ST8SIA6: variants seen among roughly 807,000 people sequenced by gnomAD.
The protein encoded by ST8SIA6 is alpha-2,8-sialyltransferase 8F.
In ST8SIA6, 39 loss-of-function variants were observed where a neutral mutation model predicts 33.6. The observed-to-expected ratio is 1.16, with a 90% CI of 0.90 to 1.52. ST8SIA6 has a LOEUF of 1.52. ST8SIA6 is among the 40% of genes most tolerant of loss of function. The pLI, the probability that ST8SIA6 is intolerant of heterozygous loss-of-function variation, is 0.00. For synonymous variants in ST8SIA6, 172 were observed against 167.2 expected, an observed-to-expected ratio of 1.03 and a Z score of -0.22; for missense variants, 441 against 443.8, an observed-to-expected ratio of 0.99 and a Z score of 0.06.
intron 2 of ST8SIA6, among the ~76,000 whole-genome samples, chr10:17,425,644 AG>A (rs2131713890): frequency 6.8e-6 from 1 of 146,786 alleles, no homozygotes; most frequent in Admixed American, 6.8e-5. Context: ...AGAGGAAGAA[AG>A]GAGGGAGGGA....
intron 2 of ST8SIA6, among the ~76,000 whole-genome samples, chr10:17,392,141 G>A (rs359318): frequency 0.31 from 47,096 of 152,016 alleles, 8,217 homozygotes; most frequent in East Asian, 0.6. Context: ...CCCTAATGGA[G>A]CTTGCAGTCT....
At chr10:17,365,594 C>T (rs2131625113) in intron 3 of ST8SIA6, among the ~76,000 whole-genome samples, 1 of 152,308 alleles carries the variant, frequency 6.6e-6, no homozygotes, top group East Asian at 1.9e-4. Flanking sequence ...CTGTCTGTGC[C>T]ACCTGCCTGC....
At chr10:17,382,817 G>A (rs1012260988) in intron 3 of ST8SIA6, among the ~76,000 whole-genome samples, 4 of 152,180 alleles carry the variant, frequency 2.6e-5, no homozygotes, top group African/African-American at 9.7e-5. Context: ...CGTAAGGGCC[G>A]ATTTTGAAAG....
chr10:17,440,988 C>T (rs1317997718), intron 2 of ST8SIA6, among the ~76,000 whole-genome samples: 1 of 152,144 alleles, frequency 6.6e-6, no homozygotes, highest in Non-Finnish European at 1.5e-5. Flanking sequence ...GAGTTCATTA[C>T]ATATTCTGGA....
At chr10:17,322,080 G>A (rs934553786) in intron 7 of ST8SIA6, among the ~76,000 whole-genome samples, 1 of 130,810 alleles carries the variant, frequency 7.6e-6, no homozygotes, top group Non-Finnish European at 1.6e-5. Context: ...TCTAACCTGG[G>A]TGACAAAGAG....
At chr10:17,407,242 A>G (rs1450126368) in intron 2 of ST8SIA6, among the ~76,000 whole-genome samples, 3 of 152,194 alleles carry the variant, frequency 2.0e-5, no homozygotes, top group Non-Finnish European at 2.9e-5. Context: ...CATATATGTC[A>G]CCATAGTAAC....
chr10:17,381,763 A>G (rs1850159884), intron 3 of ST8SIA6, among the ~76,000 whole-genome samples: 1 of 152,242 alleles, frequency 6.6e-6, no homozygotes, highest in Non-Finnish European at 1.5e-5. Flanking sequence ...GTAATTTTTA[A>G]TAAGTGAGAC....
At chr10:17,417,510 C>A in intron 2 of ST8SIA6, among the ~76,000 whole-genome samples, 1 of 151,870 alleles carries the variant, frequency 6.6e-6, no homozygotes, top group East Asian at 1.9e-4. Context: ...TCACCTCCCA[C>A]CCCCGCCATC....
At chr10:17,363,287 CAT>C (rs1304303251) in intron 3 of ST8SIA6, among the ~76,000 whole-genome samples, 2 of 130,196 alleles carry the variant, frequency 1.5e-5, no homozygotes, top group African/African-American at 5.7e-5. Flanking sequence ...TAAAGGCATG[CAT>C]ATGTGTGTGT....
At chr10:17,451,457 ATTGGGTACAATGAGTACACCCTAT>A (rs919476303) in intron 2 of ST8SIA6, among the ~76,000 whole-genome samples, 2 of 152,204 alleles carry the variant, frequency 1.3e-5, no homozygotes, top group Middle Eastern at 3.2e-3. Context: ...GAAATTATCC[ATTGGGTACAATGAGTACACCCTAT>A]TTGGGTGACG....
chr10:17,341,152 GT>G (rs1331566611), intron 4 of ST8SIA6, among the ~76,000 whole-genome samples: 4 of 152,222 alleles, frequency 2.6e-5, no homozygotes, highest in African/African-American at 9.6e-5. Flanking sequence ...AAATTCAAGT[GT>G]GATCTGAAAT....
intron 3 of ST8SIA6, among the ~76,000 whole-genome samples, chr10:17,367,834 G>A (rs968986364): frequency 8.5e-5 from 13 of 152,056 alleles, no homozygotes; most frequent in Admixed American, 2.6e-4. Flanking sequence ...CAGTAAATAA[G>A]CAAGCATGCA....
chr10:17,333,955 C>A (rs1420628832), intron 4 of ST8SIA6, among the ~76,000 whole-genome samples: 1 of 149,078 alleles, frequency 6.7e-6, no homozygotes, highest in Non-Finnish European at 1.5e-5. Flanking sequence ...CTCCTGGCCT[C>A]AAGTGATCTG....
intron 2 of ST8SIA6, among the ~76,000 whole-genome samples, chr10:17,405,884 CAAAAAA>C (rs10546412): frequency 2.9e-4 from 25 of 85,402 alleles, no homozygotes; most frequent in Non-Finnish European, 5.6e-4. Context: ...GACTCCATTT[CAAAAAA>C]AAAAAAAAAA....
At chr10:17,359,391 G>A (rs181144577) in intron 4 of ST8SIA6, 123 bp downstream of exon 4, 53 of 645,738 alleles carry the variant, frequency 8.2e-5, no homozygotes, top group African/African-American at 5.6e-5. Flanking sequence ...TTAGAATTCA[G>A]TTGGCCTCAT....
At chr10:17,321,956 A>G (rs1348878020) in intron 7 of ST8SIA6, among the ~76,000 whole-genome samples, 1 of 152,058 alleles carries the variant, frequency 6.6e-6, no homozygotes, top group African/African-American at 2.4e-5. Flanking sequence ...TAAAAATATT[A>G]GCTGGGAACG....
intron 2 of ST8SIA6, among the ~76,000 whole-genome samples, chr10:17,393,592 C>A (rs988869612): frequency 1.3e-5 from 2 of 152,056 alleles, no homozygotes; most frequent in Non-Finnish European, 1.5e-5. Context: ...CTCCTGTGTC[C>A]CCAGAGAGGA....
At chr10:17,452,173 AT>A (rs147285570) in intron 2 of ST8SIA6, among the ~76,000 whole-genome samples, 2,232 of 152,212 alleles carry the variant, frequency 0.015, 45 homozygotes, top group African/African-American at 0.051. Flanking sequence ...ATAGGACACT[AT>A]TTTTCTCAAA....
chr10:17,388,630 T>C (rs954858863), intron 3 of ST8SIA6, among the ~76,000 whole-genome samples: 2 of 152,196 alleles, frequency 1.3e-5, no homozygotes, highest in African/African-American at 2.4e-5. Flanking sequence ...GCAATACCTC[T>C]TACTGAAACC....
Sources: gnomAD v4.1 joint callset for allele counts (sites outside exome capture counted in the v4.1 genomes callset) on GRCh38, gnomAD v4.1.1 for gene constraint, MANE v1.5 for transcripts, NCBI Gene and HGNC (gene_info 2026-07-23, HGNC 2026-07-21) for gene names.